AIM2: variants seen among roughly 807,000 people sequenced by gnomAD.
The protein encoded by AIM2 is absent in melanoma 2.
AIM2 carries 30 observed loss-of-function variants against 27.7 expected under a neutral mutation model. The ratio of observed to expected loss-of-function variants is 1.08; its 90% CI spans 0.81 to 1.47. AIM2 has a LOEUF of 1.47. Ranked by LOEUF, AIM2 falls within the 40% of genes most tolerant of loss-of-function variation. The pLI, the probability that AIM2 is intolerant of heterozygous loss-of-function variation, is 0.00. For missense variants in AIM2, 358 were observed against 411.3 expected, an observed-to-expected ratio of 0.87 and a Z score of 1.12; for synonymous variants, 141 against 145.3, an observed-to-expected ratio of 0.97 and a Z score of 0.21.
At chr1:159,081,649 A>T (rs1197973274), upstream of AIM2, 1 of 290,646 alleles carries the variant, frequency 3.4e-6, no homozygotes, top group African/African-American at 2.3e-5. Context: ...AACACATTCA[A>T]AGTGCAGTTA....
intron 1 of AIM2, among the ~76,000 whole-genome samples, chr1:159,125,456 A>T (rs1330487441): frequency 6.6e-6 from 1 of 152,226 alleles, no homozygotes; most frequent in Non-Finnish European, 1.5e-5. Flanking sequence ...GTGAACTGTT[A>T]TATTTTAATC....
At chr1:159,090,770 T>C (rs2852720) in intron 1 of AIM2, among the ~76,000 whole-genome samples, 122,155 of 152,218 alleles carry the variant, frequency 0.8, 52,284 homozygotes, top group South Asian at 0.96. Flanking sequence ...ATCAAACATG[T>C]GTAAGGCATG....
the AIM2 span, among the ~76,000 whole-genome samples, chr1:159,055,779 T>G: frequency 6.6e-6 from 1 of 152,264 alleles, no homozygotes; most frequent in African/African-American, 2.4e-5. Flanking sequence ...ATTATATATT[T>G]GGTACCTGGT....
intron 1 of AIM2, among the ~76,000 whole-genome samples, chr1:159,131,214 C>T (rs556611285): frequency 3.3e-5 from 5 of 152,258 alleles, no homozygotes; most frequent in Admixed American, 2.6e-4. Context: ...CTCAAAGTTC[C>T]GGACCCACAG....
intron 1 of AIM2, among the ~76,000 whole-genome samples, chr1:159,125,742 T>G (rs1647668098): frequency 6.6e-6 from 1 of 152,166 alleles, no homozygotes; most frequent in African/African-American, 2.4e-5. Flanking sequence ...TGTGAATGGT[T>G]CATGGCTGAC....
intron 1 of AIM2, among the ~76,000 whole-genome samples, chr1:159,104,889 C>T (rs1344346285): frequency 6.6e-6 from 1 of 152,180 alleles, no homozygotes; most frequent in Non-Finnish European, 1.5e-5. Context: ...AATAATAATA[C>T]CTACGACATA....
At chr1:159,129,155 C>G (rs1647803158) in intron 1 of AIM2, among the ~76,000 whole-genome samples, 1 of 152,148 alleles carries the variant, frequency 6.6e-6, no homozygotes, top group East Asian at 1.9e-4. Context: ...AGAGAGAGAT[C>G]TGAGACACAG....
At chr1:159,133,791 G>A (rs187204901) in intron 1 of AIM2, among the ~76,000 whole-genome samples, 1 of 152,160 alleles carries the variant, frequency 6.6e-6, no homozygotes, top group African/African-American at 2.4e-5. Flanking sequence ...GTTATTAAAT[G>A]CTGAAGTTCC....
downstream of AIM2, among the ~76,000 whole-genome samples, chr1:159,058,556 A>AG (rs1243873066): frequency 6.6e-6 from 1 of 152,006 alleles, no homozygotes; most frequent in African/African-American, 2.4e-5. Context: ...CCATGGAGAC[A>AG]GGTCGACCAT....
chr1:159,135,285 G>T (rs1039438931), intron 1 of AIM2, among the ~76,000 whole-genome samples: 1 of 152,120 alleles, frequency 6.6e-6, no homozygotes, highest in Non-Finnish European at 1.5e-5. Context: ...GATAATCAGG[G>T]ACTACCCCTC....
intron 1 of AIM2, chr1:159,122,133 G>C (rs918338342): frequency 6.6e-6 from 1 of 152,156 alleles, no homozygotes; most frequent in Non-Finnish European, 1.5e-5. Flanking sequence ...CATCTCAGGA[G>C]AAAGTTTAGT....
chr1:159,098,010 T>C (rs980235254), intron 1 of AIM2, among the ~76,000 whole-genome samples: 3 of 152,198 alleles, frequency 2.0e-5, no homozygotes, highest in African/African-American at 7.2e-5. Flanking sequence ...AGTTCAGAGT[T>C]GAGTCAGAAT....
chr1:159,075,534 TAC>T (rs55988373), intron 1 of AIM2, among the ~76,000 whole-genome samples: 65,548 of 129,060 alleles, frequency 0.51, 18,357 homozygotes, highest in Admixed American at 0.65. Context: ...ATACCTGCAA[TAC>T]ACACACACAC....
rs184027292 is a variant in AIM2, at chr1:159,120,472, C to T, written c.-16+19959G>A. On this transcript the variant is annotated intron_variant, in intron 1 of 2. Coordinates refer to the AIM2 transcript ENST00000368129. ...GTGACTGCCTGTGTCATTATCACAG[C>T]TATTGTTGTCTTTTGCTCCTAAACT... Among the ~76,000 whole-genome samples, 98 of 152,268 alleles carry T rather than the reference C, an allele frequency of 6.4e-4. No individual in the cohort carries two copies. In the East Asian group the frequency reaches 0.018, roughly 28 times the overall value.
downstream of AIM2, among the ~76,000 whole-genome samples, chr1:159,060,028 A>G (rs1412176580): frequency 6.6e-6 from 1 of 152,190 alleles, no homozygotes; most frequent in Non-Finnish European, 1.5e-5. Context: ...TAAACATTTT[A>G]CAGACCAGTT....
chr1:159,055,724 A>G, the AIM2 span, among the ~76,000 whole-genome samples: 16 of 152,252 alleles, frequency 1.1e-4, no homozygotes, highest in Non-Finnish European at 1.6e-4. Context: ...AGAATAGAAT[A>G]GCAGAAAGTA....
At chr1:159,097,815 C>T (rs980184665) in intron 1 of AIM2, among the ~76,000 whole-genome samples, 88 of 152,134 alleles carry the variant, frequency 5.8e-4, no homozygotes, top group African/African-American at 2.0e-3. Flanking sequence ...ATTACCAAAT[C>T]GGCAAATCAA....
intron 1 of AIM2, among the ~76,000 whole-genome samples, chr1:159,095,262 T>C (rs1199584914): frequency 1.3e-5 from 2 of 152,176 alleles, no homozygotes; most frequent in Non-Finnish European, 2.9e-5. Flanking sequence ...CTATCCCTTC[T>C]CTCTGTCTCT....
At chr1:159,146,063 G>A (rs960130238) in intron 1 of AIM2, among the ~76,000 whole-genome samples, 8 of 150,966 alleles carry the variant, frequency 5.3e-5, no homozygotes, top group East Asian at 1.9e-4. Context: ...GCAAGATCAC[G>A]CCACTGCACT....
Sources: allele counts gnomAD v4.1 joint callset (sites outside exome capture counted in the v4.1 genomes callset), GRCh38; gene constraint gnomAD v4.1.1; transcripts MANE v1.5; gene names NCBI Gene and HGNC (gene_info 2026-07-23, HGNC 2026-07-21).